The following IPPK variants were observed in gnomAD, a reference collection of about 807,000 sequenced individuals.
IPPK encodes the protein IPK1 homolog.
A neutral mutation model predicts 64.6 loss-of-function variants in IPPK; 22 were observed. The observed-to-expected ratio is 0.34, with a 90% confidence interval of 0.24 to 0.49. The LOEUF (loss-of-function observed/expected upper bound fraction) is 0.49, where lower values mean the gene tolerates loss of function less well. IPPK is among the 20% of genes least tolerant of loss of function. The pLI is 0.99. For synonymous variants in IPPK, 262 were observed against 247.2 expected (o/e 1.06, Z -0.56); for missense variants, 532 against 630.7 (o/e 0.84, Z 1.68).
At chr9:92,639,685 T>C (rs1852010122) in intron 8 of IPPK, among the ~76,000 whole-genome samples, 1 of 152,302 alleles carries the variant, frequency 6.6e-6, no homozygotes. Context: ...AACAAATCCC[T>C]GATGAAACAG....
chr9:92,640,254 T>C (rs1037478751), intron 8 of IPPK, among the ~76,000 whole-genome samples: 6 of 151,792 alleles, frequency 4.0e-5, no homozygotes, highest in Non-Finnish European at 7.4e-5. Flanking sequence ...ATCCCCTCTC[T>C]CCCCAGCAGC....
intron 1 of IPPK, among the ~76,000 whole-genome samples, chr9:92,665,946 A>G (rs1852587535): frequency 1.3e-5 from 2 of 152,162 alleles, no homozygotes; most frequent in African/African-American, 2.4e-5. Context: ...CCCAAGCACT[A>G]AACAGGTACC....
At chr9:92,664,571 G>C (rs753569290) in intron 1 of IPPK, among the ~76,000 whole-genome samples, 83 of 152,216 alleles carry the variant, frequency 5.5e-4, no homozygotes, top group Non-Finnish European at 1.0e-3. Context: ...AGAACATGGG[G>C]AGGCCTGTGG....
chr9:92,638,914 A>G (rs1851995404), intron 8 of IPPK, among the ~76,000 whole-genome samples: 1 of 152,250 alleles, frequency 6.6e-6, no homozygotes, highest in Non-Finnish European at 1.5e-5. Context: ...AGGCAGGGAC[A>G]TCTGCTGCCA....
At chr9:92,658,353 T>TGGGGTCCTCGCCACAAGC (rs1852414355) in intron 2 of IPPK, among the ~76,000 whole-genome samples, 1 of 152,212 alleles carries the variant, frequency 6.6e-6, no homozygotes, top group African/African-American at 2.4e-5. Context: ...TGCCTGATCC[T>TGGGGTCCTCGCCACAAGC]GGGGTCCTCG....
intron 2 of IPPK, among the ~76,000 whole-genome samples, chr9:92,656,784 A>G (rs1852382297): frequency 6.6e-6 from 1 of 152,180 alleles, no homozygotes; most frequent in Non-Finnish European, 1.5e-5. Context: ...TTGGGAAGGT[A>G]GCAGTCTGAG....
At chr9:92,618,819 A>G (rs1455621538) in intron 12 of IPPK, 38 of 354,242 alleles carry the variant, frequency 1.1e-4, no homozygotes, top group South Asian at 2.4e-4. Context: ...CCAGCAACCA[A>G]GGTCATCTTG....
intron 11 of IPPK, chr9:92,619,805 G>A: frequency 1.8e-6 from 1 of 543,512 alleles, no homozygotes; most frequent in Non-Finnish European, 3.3e-6. Context: ...ACCTCTCACG[G>A]CAAGCAGTGT....
In IPPK at chr9:92,659,181, T is replaced by C. The variant is rs930743432; in HGVS notation, c.82-500A>G. On this transcript the variant is annotated intron_variant, in intron 1 of 12. Coordinates refer to ENST00000287996, the MANE Select transcript of IPPK (RefSeq NM_022755.6). ...ACACACGTATGGGTGTAATTCTATT[T>C]ATATAAAGTTCAAAAAACAGGTAAC... 2.6e-5 allele frequency among the ~76,000 whole-genome samples: 4 copies of C among 152,308 alleles called. No homozygotes were observed. The South Asian group carries it at 8.3e-4, about 32-fold the overall frequency.
intron 11 of IPPK, among the ~76,000 whole-genome samples, chr9:92,621,940 C>T (rs1385668953): frequency 6.6e-6 from 1 of 152,310 alleles, no homozygotes; most frequent in East Asian, 1.9e-4. Context: ...AGAGAAAGCA[C>T]AGTTCTTATC....
At position 92,638,170 on chromosome 9, in the gene IPPK, A is replaced by G. The variant is rs1343328046; in HGVS notation, c.747T>C (p.Ser249=). The change falls in exon 9 of 13, where the codon AGT becomes AGC. Residue 249 remains serine (S), a synonymous_variant. Transcript: ENST00000287996. ...TCACAGCCCTTGTGCAGTGGGGCCC[A>G]CTGGCCAGGCCGTTGGAAGGGAAGA... The part of the protein sequence containing the change: ...PFFFPSNGLA[S]GPHCTRAVIR... The G allele has an allele frequency of 1.6e-5, 26 of 1,614,072 alleles. No homozygotes were observed. The highest frequency in any genetic ancestry group is 2.1e-5 in the Non-Finnish European group (25 of 1,180,042).
chr9:92,625,416 T>C (rs924660025), intron 11 of IPPK, among the ~76,000 whole-genome samples: 7 of 152,128 alleles, frequency 4.6e-5, no homozygotes, highest in Admixed American at 3.9e-4. Context: ...TGCACAACGG[T>C]AGATGTACAA....
intron 1 of IPPK, among the ~76,000 whole-genome samples, chr9:92,666,828 C>G (rs1209004548): frequency 2.0e-5 from 3 of 152,212 alleles, no homozygotes; most frequent in African/African-American, 7.2e-5. Flanking sequence ...TCCTGCCCAC[C>G]CTGGGCACAA....
Position 92,615,732 on chromosome 9 carries a change from A to G in IPPK, c.*100T>C. 9.9e-7 allele frequency: 1 copy of G among 1,015,062 alleles called. No homozygotes were observed. The highest frequency in any genetic ancestry group is 1.5e-5 in the South Asian group (1 of 65,554). The allele number at this position is 1,015,062 out of a possible 1,614,324, so 62.9% of individuals were successfully genotyped here. A position where few individuals can be genotyped will look rare whatever the true frequency, so the allele number is the denominator to read the frequency against. On this transcript the variant is annotated 3_prime_UTR_variant, in exon 13 of 13. Transcript: ENST00000287996. ...CCCACCTCAAAAGGGGTTAAAAGCAAAAACATTCACAACCAAAGGTCACCC... is the reference window on the plus strand; with the variant it reads ...CCCACCTCAAAAGGGGTTAAAAGCAGAAACATTCACAACCAAAGGTCACCC...
At chr9:92,662,650 T>C (rs1475684670) in intron 1 of IPPK, among the ~76,000 whole-genome samples, 2 of 152,226 alleles carry the variant, frequency 1.3e-5, no homozygotes, top group African/African-American at 2.4e-5. Context: ...CACACCTTTA[T>C]GTCTTGGTAA....
chr9:92,651,556 G>A (rs562026290), intron 4 of IPPK, among the ~76,000 whole-genome samples: 14 of 152,352 alleles, frequency 9.2e-5, no homozygotes, highest in African/African-American at 2.9e-4. Context: ...CTGGGCTGCA[G>A]ACCCTCCTGG....
chr9:92,634,940 C>A (rs548474491), intron 10 of IPPK, among the ~76,000 whole-genome samples: 1 of 152,356 alleles, frequency 6.6e-6, no homozygotes, highest in Middle Eastern at 3.4e-3. Context: ...AGGTCACAGA[C>A]GTGCTTTCTT....
Position 92,616,018 on chromosome 9 carries a change from C to A in IPPK, c.1290G>T (p.Arg430Ser), listed in dbSNP as rs1284892960. The A allele has an allele frequency of 6.8e-6, 11 of 1,614,164 alleles. No homozygotes were observed. The highest frequency in any genetic ancestry group is 2.2e-5 in the East Asian group (1 of 44,888). The change falls in exon 13 of 13, where the codon AGG (arginine) becomes AGT (serine). Residue 430 changes from arginine to serine, a missense_variant. Arg to Ser is a moderately radical substitution (Grantham distance 110, BLOSUM62 -1). Transcript: ENST00000287996. ...QRPVVPSSRS[R>S]FAFSVSVLDL... Reference sequence around the variant, plus strand: ...CCAGCACAGACACGGAAAAGGCAAACCTGGACCTCGATGAAGGGACGACAG... The same window carrying A: ...CCAGCACAGACACGGAAAAGGCAAAACTGGACCTCGATGAAGGGACGACAG...
intron 11 of IPPK, 119 bp downstream of exon 11, chr9:92,634,267 A>C: frequency 3.0e-6 from 2 of 668,176 alleles, no homozygotes; most frequent in South Asian, 3.8e-5. Context: ...TTTGATCCCA[A>C]GTTTTCTGCT....
Sources: gnomAD v4.1 joint callset for allele counts (sites outside exome capture counted in the v4.1 genomes callset) on GRCh38, gnomAD v4.1.1 for gene constraint, MANE v1.5 for transcripts, NCBI Gene and HGNC (gene_info 2026-07-23, HGNC 2026-07-21) for gene names.